The following KCTD9 variants were observed in gnomAD, a reference collection of about 807,000 sequenced individuals.
KCTD9 encodes the protein BTB/POZ domain-containing protein KCTD9.
In KCTD9, 17 loss-of-function variants were observed where a neutral mutation model predicts 53.3. The observed-to-expected ratio is 0.32, with a 90% CI of 0.22 to 0.48. KCTD9 has a LOEUF of 0.48. Ranked by LOEUF, KCTD9 falls within the 20% of genes least tolerant of loss-of-function variation. KCTD9 has a pLI of 0.99. For synonymous variants in KCTD9, 128 were observed against 162.7 expected, an observed-to-expected ratio of 0.79 and a Z score of 1.62; for missense variants, 179 against 465.5, an observed-to-expected ratio of 0.38 and a Z score of 5.66.
chr8:25,431,650 T>A (rs1028839160), intron 11 of KCTD9, among the ~76,000 whole-genome samples: 2 of 152,188 alleles, frequency 1.3e-5, no homozygotes, highest in South Asian at 4.1e-4. Flanking sequence ...GAAAGTAATG[T>A]AACAAACAAT....
At chr8:25,444,816 A>G (rs1330688341) in intron 2 of KCTD9, among the ~76,000 whole-genome samples, 1 of 152,166 alleles carries the variant, frequency 6.6e-6, no homozygotes, top group Non-Finnish European at 1.5e-5. Flanking sequence ...CCATACACCC[A>G]AATGTAAATG....
chr8:25,438,333 T>C (rs1802058036), intron 6 of KCTD9, among the ~76,000 whole-genome samples: 1 of 150,646 alleles, frequency 6.6e-6, no homozygotes, highest in South Asian at 2.1e-4. Context: ...AATAGGTACA[T>C]GTTCAAGGGA....
At chr8:25,453,807 G>A (rs1802378885) in intron 1 of KCTD9, among the ~76,000 whole-genome samples, 1 of 152,136 alleles carries the variant, frequency 6.6e-6, no homozygotes, top group Admixed American at 6.5e-5. Flanking sequence ...TTATCTGGCA[G>A]ATTTACAGAT....
At chr8:25,433,305 T>C (rs1464839114) in intron 10 of KCTD9, 25 bp downstream of exon 10, 3 of 1,266,172 alleles carry the variant, frequency 2.4e-6, no homozygotes, top group African/African-American at 3.0e-5. Context: ...CTTCGTAGAA[T>C]AGGTATTTAC....
intron 3 of KCTD9, among the ~76,000 whole-genome samples, chr8:25,441,057 T>C (rs928840011): frequency 5.3e-5 from 8 of 152,204 alleles, no homozygotes; most frequent in Middle Eastern, 3.4e-3. Flanking sequence ...TAAGATCTTA[T>C]AGGGCTGAAA....
intron 5 of KCTD9, 82 bp from the exon 6 acceptor site, chr8:25,439,489 T>G (rs1586427873): frequency 6.4e-7 from 1 of 1,563,560 alleles, no homozygotes; most frequent in Non-Finnish European, 8.7e-7. Context: ...TTGCTAAATA[T>G]AAGTTTTTAC....
At chr8:25,457,534 G>T in intron 1 of KCTD9, 1 of 179,402 alleles carries the variant, frequency 5.6e-6, no homozygotes, top group Non-Finnish European at 1.1e-5. Flanking sequence ...ATCCCTTTTG[G>T]GTCTGCTGTA....
At chr8:25,449,361 T>G (rs1236011204) in intron 1 of KCTD9, among the ~76,000 whole-genome samples, 1 of 152,224 alleles carries the variant, frequency 6.6e-6, no homozygotes, top group Non-Finnish European at 1.5e-5. Flanking sequence ...TATCCCCTCC[T>G]TGCCCTAACA....
intron 3 of KCTD9, among the ~76,000 whole-genome samples, chr8:25,443,967 T>C (rs1254320873): frequency 6.6e-6 from 1 of 152,114 alleles, no homozygotes; most frequent in Non-Finnish European, 1.5e-5. Context: ...GTAGAAAAAT[T>C]TTGACATTCA....
At chr8:25,452,161 G>A (rs1586438996) in intron 1 of KCTD9, among the ~76,000 whole-genome samples, 1 of 151,960 alleles carries the variant, frequency 6.6e-6, no homozygotes, top group South Asian at 2.1e-4. Flanking sequence ...TATACTTTTA[G>A]TCAAATACAT....
intron 9 of KCTD9, 72 bp from the exon 10 acceptor site, chr8:25,433,507 A>G (rs1801965152): frequency 1.5e-6 from 1 of 674,388 alleles, no homozygotes; most frequent in Admixed American, 3.5e-5. Context: ...ACAGTAAAAG[A>G]AAAAAAATAG....
chr8:25,437,847 C>CAAAAAAAAAAA (rs59540797), intron 6 of KCTD9, among the ~76,000 whole-genome samples: 2 of 62,538 alleles, frequency 3.2e-5, no homozygotes, highest in African/African-American at 1.4e-4. Context: ...GACCCTGTCT[C>CAAAAAAAAAAA]AAAAAAAAAA....
chr8:25,434,972 A>G (rs528139591), intron 9 of KCTD9, among the ~76,000 whole-genome samples: 13 of 152,318 alleles, frequency 8.5e-5, no homozygotes, highest in African/African-American at 3.1e-4. Flanking sequence ...ATATCTGTCA[A>G]ATACTTCTTG....
Position 25,428,516 on chromosome 8 carries a change from A to T in KCTD9, c.*1341T>A, listed in dbSNP as rs1211722224. 6.6e-6 allele frequency: 1 copy of T among 152,576 alleles called. No homozygotes were observed. Among genetic ancestry groups the T allele is most frequent in the Non-Finnish European group, 1.5e-5 (1 of 68,024 alleles). 9.5% of individuals were successfully genotyped at this position (152,576 alleles called of 1,614,324 possible). On this transcript the variant is annotated 3_prime_UTR_variant, in exon 12 of 12. Coordinates refer to ENST00000221200, the MANE Select transcript of KCTD9 (RefSeq NM_017634.4). The stretch of plus-strand genomic sequence containing the variant: ...TCATGTTGATGAGTCTGTAGAATTC[A>T]GAACCCATTTGGACACAGCTAATAT...
At chr8:25,447,538 G>A (rs1045746392) in intron 1 of KCTD9, among the ~76,000 whole-genome samples, 6 of 152,172 alleles carry the variant, frequency 3.9e-5, no homozygotes, top group African/African-American at 1.4e-4. Context: ...GAATAGAGTG[G>A]ACAGTTTCTA....
intron 4 of KCTD9, 84 bp downstream of exon 4, chr8:25,440,493 T>G: frequency 1.1e-6 from 1 of 920,982 alleles, no homozygotes. Flanking sequence ...GAGTATCTTT[T>G]AAGGAAATCA....
chr8:25,449,528 T>C (rs940060585), intron 1 of KCTD9, among the ~76,000 whole-genome samples: 1 of 151,868 alleles, frequency 6.6e-6, no homozygotes, highest in East Asian at 1.9e-4. Context: ...CTAACTTGAA[T>C]TGTCGTCTAC....
intron 1 of KCTD9, among the ~76,000 whole-genome samples, chr8:25,447,278 T>A (rs1563249063): frequency 6.6e-6 from 1 of 152,054 alleles, no homozygotes; most frequent in Admixed American, 6.6e-5. Flanking sequence ...CTGTAGCTAC[T>A]CCAGAGGCTG....
chr8:25,456,840 CAG>C (rs1432033658), intron 1 of KCTD9, among the ~76,000 whole-genome samples: 1 of 152,124 alleles, frequency 6.6e-6, no homozygotes, highest in African/African-American at 2.4e-5. Flanking sequence ...AGTAACATAG[CAG>C]AGATACTGCA....
Sources: gnomAD v4.1 joint callset for allele counts (sites outside exome capture counted in the v4.1 genomes callset) on GRCh38, gnomAD v4.1.1 for gene constraint, MANE v1.5 for transcripts, NCBI Gene and HGNC (gene_info 2026-07-23, HGNC 2026-07-21) for gene names.